TBC1D10B: variants seen among roughly 807,000 people sequenced by gnomAD.
TBC1D10B encodes Rab27A-GAPbeta.
In TBC1D10B, 25 loss-of-function variants were observed where a neutral mutation model predicts 78.4. The ratio of observed to expected loss-of-function variants is 0.32; its 90% confidence interval spans 0.23 to 0.45. The LOEUF (loss-of-function observed/expected upper bound fraction) is 0.45, where lower values mean the gene tolerates loss of function less well. TBC1D10B is among the 20% of genes least tolerant of loss of function. The pLI is 1.00. For synonymous variants in TBC1D10B, 517 were observed against 478.0 expected (o/e 1.08, Z -1.06); for missense variants, 996 against 1,104.8 (o/e 0.90, Z 1.40).
rs1319105536 is a variant in TBC1D10B, at chr16:30,369,280, G to A, written c.904C>T (p.Arg302Cys). The A allele has an allele frequency of 1.3e-6, 2 of 1,587,404 alleles. No individual in the cohort carries two copies. Among genetic ancestry groups the A allele is most frequent in the Admixed American group, 1.8e-5 (1 of 55,996 alleles). The stretch of plus-strand genomic sequence containing the variant: ...AGGAAGCCATACTTGTCCGTCTTGC[G>A]CAGGGCCAGCCCGTTTATCTCTGAA... ...SDSEINGLAL[R>C]KTDKYGFLGG... Residue 302 changes from arginine (R) to cysteine (C), a missense_variant, in exon 1 of 9, where the codon CGC becomes TGC. Physicochemically the swap from Arg to Cys is radical, Grantham distance 180. Around this residue, in one of 5 missense-constraint regions of TBC1D10B, gnomAD observed 448 missense variants for 442.1 expected, o/e 1.01. Transcript: ENST00000409939. The surrounding 1 kb of genome is among the most constrained non-coding windows in gnomAD (Gnocchi z 4.3).
Position 30,358,502 on chromosome 16 carries a change from T to A in TBC1D10B, c.1869A>T (p.Glu623Asp). 1 of 1,607,924 alleles carries A rather than the reference T, an allele frequency of 6.2e-7. No homozygotes were observed. Among genetic ancestry groups the A allele is most frequent in the Non-Finnish European group, 8.5e-7 (1 of 1,176,852 alleles). Residue 623 changes from glutamate (E) to aspartate (D), a missense_variant, in exon 9 of 9, where the codon GAA becomes GAT. This residue lies in a region of TBC1D10B where 168 missense variants were observed against 238.7 expected (regional missense o/e 0.70). Transcript: ENST00000409939. ...GCCGATACTGCAGCTCCCCCCGCGT[T>A]TCCCGCCACTTCTTGAGCTGGGCTG... ...ENAAQLKKWRETRGELQYRPS... is the reference protein window; with the variant it reads ...ENAAQLKKWRDTRGELQYRPS...
chr16:30,364,402 C>G (rs1251730874), intron 4 of TBC1D10B, among the ~76,000 whole-genome samples: 1 of 152,062 alleles, frequency 6.6e-6, no homozygotes, highest in Non-Finnish European at 1.5e-5. Context: ...GATCACACCA[C>G]TGCACTCCAG....
At position 30,359,826 on chromosome 16, in the gene TBC1D10B, G is replaced by C; in HGVS notation, c.1287C>G (p.Tyr429Ter). Reference sequence around the variant, plus strand: ...AGATGGTGTAGGCCTTCAGGATTCGGTACAGGTCCTGTTGCCTGTGGGGGT... The same window carrying C: ...AGATGGTGTAGGCCTTCAGGATTCGCTACAGGTCCTGTTGCCTGTGGGGGT... ...ARGGHGQQDL[Y>*]RILKAYTIYR... Residue 429 changes from tyrosine (Y) to a stop codon, truncating the protein, a stop_gained, in exon 5 of 9, where the codon TAC becomes TAG. Transcript: ENST00000409939. LOFTEE classifies it high-confidence loss of function. The C allele has an allele frequency of 6.4e-7, 1 of 1,566,292 alleles. No individual in the cohort carries two copies. Among genetic ancestry groups the C allele is most frequent in the Non-Finnish European group, 8.7e-7 (1 of 1,155,078 alleles).
rs772158927 is a variant in TBC1D10B, at chr16:30,369,242, C to G, written c.942G>C (p.Gln314His). 2 of 1,580,662 alleles carry G rather than the reference C, an allele frequency of 1.3e-6. No individual in the cohort carries two copies. The highest frequency in any genetic ancestry group is 1.7e-6 in the Non-Finnish European group (2 of 1,163,542). Residue 314 changes from glutamine (Q) to histidine (H), a missense_variant, in exon 1 of 9, where the codon CAG becomes CAC. By Grantham distance (24) the Gln-to-His change is conservative. Around this residue, in one of 5 missense-constraint regions of TBC1D10B, gnomAD observed 448 missense variants for 442.1 expected, o/e 1.01. Transcript: ENST00000409939. This position sits in a 1 kb window ranked among gnomAD's most constrained non-coding sequence, Gnocchi z 4.3. ...CTGGTACTCACAGGCTGCCCGAGTA[C>G]TGGCTGCCCCCAAGGAAGCCATACT... ...TDKYGFLGGSQYSGSLESSIP... is the reference protein window; with the variant it reads ...TDKYGFLGGSHYSGSLESSIP...
chr16:30,364,936 G>C lies in TBC1D10B; in HGVS notation c.1235C>G (p.Pro412Arg). 1 of 1,613,086 alleles carries C rather than the reference G, an allele frequency of 6.2e-7. No individual in the cohort carries two copies. The highest frequency in any genetic ancestry group is 8.5e-7 in the Non-Finnish European group (1 of 1,179,558). ...VIEKDLHRQFPFHEMFAARGG... is the reference protein window; with the variant it reads ...VIEKDLHRQFRFHEMFAARGG... ...TCGAGCAGCAAACATCTCGTGGAAA[G>C]GGAACTGGCGGTGCAGGTCCTTCTC... Residue 412 changes from proline (P) to arginine (R), a missense_variant, in exon 4 of 9, where the codon CCT becomes CGT. Physicochemically the swap from Pro to Arg is moderately radical, Grantham distance 103 (BLOSUM62 -2). Around this residue, in one of 5 missense-constraint regions of TBC1D10B, gnomAD observed 93 missense variants for 152.7 expected, o/e 0.61. Transcript: ENST00000409939.
intron 1 of TBC1D10B, chr16:30,366,331 C>G (rs1388440331): frequency 1.3e-5 from 2 of 152,086 alleles, no homozygotes; most frequent in East Asian, 1.9e-4. Flanking sequence ...ATGGTAAAAC[C>G]CTGTCTCTAC....
rs2151100813 is a variant in TBC1D10B, at chr16:30,359,623, G to A, written c.1387-20C>T. On this transcript the variant is annotated intron_variant, in intron 5 of 8. Coordinates refer to ENST00000409939, the MANE Select transcript of TBC1D10B (RefSeq NM_015527.4). ...GGCTTGCTGAGAAGAGCAAGAACAA[G>A]GAGGAGGGGTGGGGCCTGAGAAGCA... 6.4e-7 allele frequency: 1 copy of A among 1,558,012 alleles called. No homozygotes were observed. Among genetic ancestry groups the A allele is most frequent in the Non-Finnish European group, 8.7e-7 (1 of 1,150,784 alleles).
chr16:30,370,109 G>A lies in TBC1D10B; in HGVS notation c.75C>T (p.Pro25=), dbSNP rs1012928820. ...HGAPAAPSPP[P]RGSRAGPVVV... ...CGACGGGCCCGGCCCGGGAACCCCG[G>A]GGCGGCGGCGAGGGGGCCGCGGGGG... Residue 25 remains proline, a synonymous_variant, in exon 1 of 9, where the codon CCC becomes CCT. Transcript: ENST00000409939. The A allele has an allele frequency of 1.3e-3, 1,555 of 1,220,116 alleles. 2 individuals are homozygous for A. Among genetic ancestry groups the A allele is most frequent in the Non-Finnish European group, 1.5e-3 (1,502 of 980,612 alleles). 75.6% of individuals were successfully genotyped at this position (1,220,116 alleles called of 1,614,324 possible). A position where few individuals can be genotyped will look rare whatever the true frequency, so the allele number is the denominator to read the frequency against.
chr16:30,357,609 ATC>A lies in TBC1D10B; in HGVS notation c.*333_*334del. 2.6e-6 allele frequency: 1 copy of A among 382,126 alleles called. No homozygotes were observed. Among genetic ancestry groups the A allele is most frequent in the East Asian group, 4.6e-5 (1 of 21,854 alleles). 23.7% of individuals were successfully genotyped at this position (382,126 alleles called of 1,614,324 possible). ...GTAAGGGGAGCTATGGAGTGTAAGAATCTGAAACTGCTGACTCCCATCACCAG... is the reference window on the plus strand; with the variant it reads ...GTAAGGGGAGCTATGGAGTGTAAGAATGAAACTGCTGACTCCCATCACCAG... On this transcript the variant is annotated 3_prime_UTR_variant, in exon 9 of 9. Coordinates refer to ENST00000409939, the MANE Select transcript of TBC1D10B (RefSeq NM_015527.4).
chr16:30,369,720 C>G lies in TBC1D10B; in HGVS notation c.464G>C (p.Arg155Thr), dbSNP rs1010382164. ...ACCAGGAGCCGTTCTGGAAGGGGTC[C>G]TGGTAGGGGTCCCGGTGGGGGTCCC... ...GPGTPTGTPT[R>T]TPSRTAPGAL... Residue 155 changes from arginine (R) to threonine (T), a missense_variant, in exon 1 of 9, where the codon AGG becomes ACG. Arg to Thr is a moderately conservative substitution (Grantham distance 71). Around this residue, in one of 5 missense-constraint regions of TBC1D10B, gnomAD observed 448 missense variants for 442.1 expected, o/e 1.01. Transcript: ENST00000409939. The surrounding 1 kb of genome is among the most constrained non-coding windows in gnomAD (Gnocchi z 4.3). The G allele has an allele frequency of 1.3e-6, 2 of 1,482,592 alleles. No individual in the cohort carries two copies. The highest frequency in any genetic ancestry group is 1.8e-6 in the Non-Finnish European group (2 of 1,115,864). The allele number at this position is 1,482,592 out of a possible 1,614,324, so 91.8% of individuals were successfully genotyped here. A position where few individuals can be genotyped will look rare whatever the true frequency, so the allele number is the denominator to read the frequency against.
rs777418243 is a variant in TBC1D10B at position 30,365,168 on chromosome 16, G to C, written c.1101C>G (p.Ala367=). ...CRKGIPSSLR[A]KAWQYLSNSK... is the part of the protein sequence containing the mutation. ...TATTAGACAGGTACTGCCAGGCTTT[G>C]GCTCTGAGAGAGGAGGGGATCCCCT... Residue 367 remains alanine, a synonymous_variant, in exon 3 of 9, where the codon GCC becomes GCG. Coordinates refer to ENST00000409939, the MANE Select transcript of TBC1D10B (RefSeq NM_015527.4). The surrounding 1 kb of genome is among the most constrained non-coding windows in gnomAD (Gnocchi z 5.0). 2.8e-5 allele frequency: 45 copies of C among 1,613,858 alleles called. No individual in the cohort carries two copies. Among genetic ancestry groups the C allele is most frequent in the Non-Finnish European group, 3.6e-5 (43 of 1,179,898 alleles).
chr16:30,364,765 G>A (rs911646226), intron 4 of TBC1D10B, 135 bp downstream of exon 4: 20 of 741,860 alleles, frequency 2.7e-5, no homozygotes, highest in Non-Finnish European at 4.2e-5. Context: ...TTGACACTTA[G>A]TCCATTACAG....
Position 30,369,659 on chromosome 16 carries a change from C to A in TBC1D10B, c.525G>T (p.Pro175=). The A allele has an allele frequency of 6.5e-7, 1 of 1,533,082 alleles. No homozygotes were observed. The highest frequency in any genetic ancestry group is 1.4e-5 in the African/African-American group (1 of 72,388). The allele number at this position is 1,533,082 out of a possible 1,614,324, so 95.0% of individuals were successfully genotyped here. Residue 175 remains proline, a synonymous_variant, in exon 1 of 9, where the codon CCG becomes CCT. Coordinates refer to ENST00000409939, the MANE Select transcript of TBC1D10B (RefSeq NM_015527.4). The surrounding 1 kb of genome is among the most constrained non-coding windows in gnomAD (Gnocchi z 4.3). ...LTAKPPLAPK[P]GTTVASGVTA... is the part of the protein sequence containing the mutation. ...TCACTCCTGAGGCCACTGTGGTTCC[C>A]GGCTTGGGGGCAAGCGGGGGTTTGG...
Position 30,357,382 on chromosome 16 carries a change from A to T in TBC1D10B, c.*562T>A, listed in dbSNP as rs1486140737. The T allele has an allele frequency of 1.2e-5, 2 of 162,808 alleles. No homozygotes were observed. Among genetic ancestry groups the T allele is most frequent in the Non-Finnish European group, 2.7e-5 (2 of 72,960 alleles). 10.1% of individuals were successfully genotyped at this position (162,808 alleles called of 1,614,324 possible). On this transcript the variant is annotated 3_prime_UTR_variant, in exon 9 of 9. Transcript: ENST00000409939. ...TGGGGGACATTTCCTATTCCAGTGC[A>T]TGTCCCCTTAAATAAACTGGGTACA...
Position 30,358,140 on chromosome 16 carries a change from T to G in TBC1D10B, c.2231A>C (p.Lys744Thr). 6.4e-7 allele frequency: 1 copy of G among 1,551,136 alleles called. No homozygotes were observed. Among genetic ancestry groups the G allele is most frequent in the Non-Finnish European group, 8.7e-7 (1 of 1,146,374 alleles). ...ERQKQEKEREKERQKQEKERE... is the reference protein window; with the variant it reads ...ERQKQEKERETERQKQEKERE... ...CTCTTTCTCCTGCTTCTGCCGCTCC[T>G]TCTCCCGCTCCTTCTCCTGTTTCTG... The change falls in exon 9 of 9, where the codon AAG becomes ACG. Residue 744 changes from lysine (K) to threonine (T), a missense_variant. Transcript: ENST00000409939.
chr16:30,362,605 A>G (rs2049606435), intron 4 of TBC1D10B, among the ~76,000 whole-genome samples: 1 of 152,178 alleles, frequency 6.6e-6, no homozygotes, highest in Admixed American at 6.6e-5. Context: ...TCTCGTGGGT[A>G]AGATTTAGTC....
chr16:30,359,517 A>G, intron 6 of TBC1D10B, 21 bp downstream of exon 6: 1 of 1,554,964 alleles, frequency 6.4e-7, no homozygotes, highest in Non-Finnish European at 8.7e-7. Flanking sequence ...CCCCGGATGC[A>G]CCCAGCCTCC....
At chr16:30,363,239 A>T (rs2049610974) in intron 4 of TBC1D10B, among the ~76,000 whole-genome samples, 1 of 152,120 alleles carries the variant, frequency 6.6e-6, no homozygotes, top group South Asian at 2.1e-4. Flanking sequence ...AAATATATCC[A>T]GAATCCAACC....
chr16:30,369,325 C>T lies in TBC1D10B; in HGVS notation c.859G>A (p.Val287Met). ...TCTGAATCTGAGCCCATGGAGCTCA[C>T]ATCATCCGCCAAGGACTCCAAGGTC... The part of the protein sequence containing the change: ...SGTLESLADD[V>M]SSMGSDSEIN... The change falls in exon 1 of 9, where the codon GTG becomes ATG. Residue 287 changes from valine to methionine, a missense_variant. Physicochemically the swap from Val to Met is conservative, Grantham distance 21 (BLOSUM62 1). Coordinates refer to ENST00000409939, the MANE Select transcript of TBC1D10B (RefSeq NM_015527.4). The surrounding 1 kb of genome is among the most constrained non-coding windows in gnomAD (Gnocchi z 4.3). 1 of 1,596,648 alleles carries T rather than the reference C, an allele frequency of 6.3e-7. No homozygotes were observed.
Sources: gnomAD v4.1 joint callset for allele counts (sites outside exome capture counted in the v4.1 genomes callset) on GRCh38, gnomAD v4.1.1 for gene constraint, gnomAD v4.1.1 regional missense constraint, Gnocchi (gnomAD v3.1) non-coding constraint, MANE v1.5 for transcripts, NCBI Gene and HGNC (gene_info 2026-07-23, HGNC 2026-07-21) for gene names.